The following THSD7B variants were observed in gnomAD, a reference collection of about 807,000 sequenced individuals.
THSD7B encodes the protein thrombospondin type-1 domain-containing protein 7B.
THSD7B carries 138 observed loss-of-function variants against 213.6 expected under a neutral mutation model. The observed-to-expected ratio is 0.65, with a 90% CI of 0.56 to 0.74. The LOEUF is 0.74. Ranked by LOEUF, THSD7B falls within the 30% of genes least tolerant of loss-of-function variation. The pLI is 0.00. For missense variants in THSD7B, 1,931 were observed against 1,991.5 expected, an observed-to-expected ratio of 0.97 and a Z score of 0.58; for synonymous variants, 742 against 687.0, an observed-to-expected ratio of 1.08 and a Z score of -1.25.
intron 4 of THSD7B, among the ~76,000 whole-genome samples, chr2:137,105,129 T>G (rs1024976998): frequency 6.6e-6 from 1 of 152,156 alleles, no homozygotes; most frequent in Non-Finnish European, 1.5e-5. Context: ...CAGGCCAATA[T>G]ACCTGATATA....
chr2:137,511,046 T>G (rs938140808), intron 15 of THSD7B, among the ~76,000 whole-genome samples: 1 of 152,216 alleles, frequency 6.6e-6, no homozygotes, highest in Non-Finnish European at 1.5e-5. Flanking sequence ...GTGACTCTAA[T>G]TGTATGAGAG....
chr2:137,037,624 A>C (rs1686802683), intron 2 of THSD7B, among the ~76,000 whole-genome samples: 1 of 152,154 alleles, frequency 6.6e-6, no homozygotes, highest in Non-Finnish European at 1.5e-5. Flanking sequence ...GCAGAGGTGG[A>C]AATCACAGTT....
intron 7 of THSD7B, among the ~76,000 whole-genome samples, chr2:137,219,975 G>A (rs999082179): frequency 1.3e-5 from 2 of 152,170 alleles, no homozygotes; most frequent in Non-Finnish European, 2.9e-5. Context: ...AACTGTAGGT[G>A]AAAACTAGTG....
intron 12 of THSD7B, among the ~76,000 whole-genome samples, chr2:137,341,366 C>A (rs1285356358): frequency 6.6e-6 from 1 of 151,184 alleles, no homozygotes; most frequent in Non-Finnish European, 1.5e-5. Flanking sequence ...ATATGGTTTG[C>A]AAATATTTTT....
At chr2:137,130,319 A>G (rs1291713640) in intron 5 of THSD7B, among the ~76,000 whole-genome samples, 2 of 152,128 alleles carry the variant, frequency 1.3e-5, no homozygotes, top group African/African-American at 4.8e-5. Context: ...GCTGTGCTAC[A>G]TTATCGTTTC....
intron 25 of THSD7B, among the ~76,000 whole-genome samples, chr2:137,662,072 T>C (rs965936675): frequency 2.7e-5 from 4 of 148,238 alleles, no homozygotes; most frequent in South Asian, 2.2e-4. Flanking sequence ...CTTTTTTTTT[T>C]TTTTTTTGAG....
At chr2:136,850,496 G>A (rs1293299888) in intron 1 of THSD7B, among the ~76,000 whole-genome samples, 1 of 151,868 alleles carries the variant, frequency 6.6e-6, no homozygotes, top group Non-Finnish European at 1.5e-5. Flanking sequence ...TTTTAAAAAG[G>A]GTTGTTCTGG....
Position 137,618,455 on chromosome 2 carries a change from T to TA in THSD7B, c.3631dup (p.Ser1211LysfsTer6). 6.2e-7 allele frequency: 1 copy of TA among 1,613,936 alleles called. No individual in the cohort carries two copies. Among genetic ancestry groups the TA allele is most frequent in the Non-Finnish European group, 8.5e-7 (1 of 1,179,874 alleles). On this transcript the variant is annotated frameshift_variant, in exon 19 of 28. Coordinates refer to ENST00000409968, the MANE Select transcript of THSD7B (RefSeq NM_001316349.2). LOFTEE classifies it high-confidence loss of function. The stretch of plus-strand genomic sequence containing the variant: ...GGTCAAGGCGTCAGGACCCGCCTGC[T>TA]AAGCTGTGTGTGCAGTGATGGCAAG...
Position 137,478,678 on chromosome 2 carries a change from T to C in THSD7B, c.3138+27655T>C, listed in dbSNP as rs540840054. On this transcript the variant is annotated intron_variant, in intron 15 of 27. Transcript: ENST00000409968. ...TACATTGATATCTGTGCCTGTAGTG[T>C]AACAGTCACTTCTTCTAATTTTTTG... Among the ~76,000 whole-genome samples the C allele has an allele frequency of 1.0e-3, 157 of 152,340 alleles. 1 individual carries two copies. The highest frequency in any genetic ancestry group is 1.6e-3 in the Non-Finnish European group (112 of 68,022).
chr2:137,240,442 G>A (rs570520599), intron 9 of THSD7B, among the ~76,000 whole-genome samples: 1 of 152,004 alleles, frequency 6.6e-6, no homozygotes, highest in African/African-American at 2.4e-5. Context: ...TGCCCTAACA[G>A]TTATTAGTTT....
intron 3 of THSD7B, among the ~76,000 whole-genome samples, chr2:137,078,800 A>G (rs1423336512): frequency 2.6e-5 from 4 of 152,156 alleles, no homozygotes; most frequent in Non-Finnish European, 4.4e-5. Context: ...GTGTTTTATT[A>G]TCATACTTTT....
At chr2:137,296,197 T>C (rs1683459850) in intron 12 of THSD7B, among the ~76,000 whole-genome samples, 1 of 152,174 alleles carries the variant, frequency 6.6e-6, no homozygotes, top group Non-Finnish European at 1.5e-5. Flanking sequence ...CTTAGGATAA[T>C]TCATGTTATA....
chr2:137,233,181 A>G, intron 9 of THSD7B, 48 bp downstream of exon 9: 1 of 1,512,656 alleles, frequency 6.6e-7, no homozygotes, highest in African/African-American at 1.4e-5. Context: ...TTTCATGTTG[A>G]GTATTTTTAG....
At chr2:137,489,154 C>G (rs1223042919) in intron 15 of THSD7B, among the ~76,000 whole-genome samples, 1 of 152,128 alleles carries the variant, frequency 6.6e-6, no homozygotes, top group African/African-American at 2.4e-5. Flanking sequence ...GGGCTGGGTG[C>G]GGTGGCTCAT....
At chr2:137,205,881 A>T (rs1680973983) in intron 7 of THSD7B, among the ~76,000 whole-genome samples, 1 of 143,406 alleles carries the variant, frequency 7.0e-6, no homozygotes, top group South Asian at 2.4e-4. Flanking sequence ...ATTATTTATC[A>T]TTGTGTTAAG....
intron 12 of THSD7B, among the ~76,000 whole-genome samples, chr2:137,310,820 T>G (rs1203256577): frequency 6.6e-6 from 1 of 152,086 alleles, no homozygotes; most frequent in African/African-American, 2.4e-5. Context: ...GTTGTAGATA[T>G]GCGGCGTTAT....
At chr2:137,389,402 A>ACTTTTTTTTTTTTTTTTTTTTTTT (rs1685967896) in intron 12 of THSD7B, among the ~76,000 whole-genome samples, 2 of 38,052 alleles carry the variant, frequency 5.3e-5, no homozygotes, top group Non-Finnish European at 4.4e-5. Context: ...TCTTAATGTG[A>ACTTTTTTTTTTTTTTTTTTTTTTT]TTTTTTTTTT....
chr2:136,783,605 G>A (rs927806535), intron 1 of THSD7B, among the ~76,000 whole-genome samples: 1 of 152,078 alleles, frequency 6.6e-6, no homozygotes, highest in African/African-American at 2.4e-5. Flanking sequence ...GCTGTCCTAA[G>A]GGAGGTAGAG....
intron 12 of THSD7B, among the ~76,000 whole-genome samples, chr2:137,356,001 G>A (rs1353317993): frequency 6.6e-6 from 1 of 152,084 alleles, no homozygotes; most frequent in African/African-American, 2.4e-5. Context: ...AGGCATCTGT[G>A]AGATCTACTA....
Sources: allele counts gnomAD v4.1 joint callset (sites outside exome capture counted in the v4.1 genomes callset), GRCh38; gene constraint gnomAD v4.1.1; transcripts MANE v1.5; gene names NCBI Gene and HGNC (gene_info 2026-07-23, HGNC 2026-07-21).